The following SLC38A11 variants were observed in gnomAD, a reference collection of about 807,000 sequenced individuals.
The protein encoded by SLC38A11 is solute carrier family 38 member 11.
SLC38A11 carries 51 observed loss-of-function variants against 49.4 expected under a neutral mutation model. That is an observed-to-expected ratio of 1.03 (90% CI 0.83 to 1.30). The LOEUF is 1.30. Among genes scored for constraint, SLC38A11 ranks in the 50% most tolerant of loss-of-function variants. SLC38A11 has a pLI of 0.00. For synonymous variants in SLC38A11, 203 were observed against 192.9 expected (o/e 1.05, Z -0.43); for missense variants, 574 against 556.2 (o/e 1.03, Z -0.32).
intron 7 of SLC38A11, among the ~76,000 whole-genome samples, chr2:164,922,529 G>T (rs1686280265): frequency 6.6e-6 from 1 of 152,086 alleles, no homozygotes; most frequent in African/African-American, 2.4e-5. Flanking sequence ...AGCTGCTCAG[G>T]AGAATCCTTC....
At position 164,898,299 on chromosome 2, in the gene SLC38A11, AT is replaced by A; in HGVS notation, c.*137del. 1 of 633,202 alleles carries A rather than the reference AT, an allele frequency of 1.6e-6. No individual in the cohort carries two copies. Among genetic ancestry groups the A allele is most frequent in the East Asian group, 2.8e-5 (1 of 35,666 alleles). 39.2% of individuals were successfully genotyped at this position (633,202 alleles called of 1,614,324 possible). On this transcript the variant is annotated 3_prime_UTR_variant, in exon 12 of 12. Transcript: ENST00000685975. ...AATTTTTCTTTTCTTTATCTTTTAT[AT>A]TGCACTACTCATAAAAGCCAAGTCT...
rs1264057830 is a variant in SLC38A11, at chr2:164,939,562, A to G, written c.431-6T>C. 6.3e-7 allele frequency: 1 copy of G among 1,578,318 alleles called. No individual in the cohort carries two copies. Among genetic ancestry groups the G allele is most frequent in the Non-Finnish European group, 8.7e-7 (1 of 1,150,098 alleles). ...AAACACGTTTTCAGGATCAACTAAA[A>G]CACAATAAATATTATTAAATGTTAC... is the stretch of plus-strand genomic sequence containing the variant. On this transcript the variant is annotated splice_region_variant and splice_polypyrimidine_tract_variant and intron_variant, in intron 5 of 11. Transcript: ENST00000685975.
At chr2:164,947,117 CTTTTTTTTTTT>C (rs200284770) in intron 3 of SLC38A11, among the ~76,000 whole-genome samples, 16 of 72,910 alleles carry the variant, frequency 2.2e-4, no homozygotes, top group African/African-American at 7.7e-4. Flanking sequence ...TTTTTTATCT[CTTTTTTTTTTT>C]TTTTTTTTTT....
Position 164,955,321 on chromosome 2 carries a change from G to T in SLC38A11, c.-74C>A. On this transcript the variant is annotated 5_prime_UTR_variant, in exon 1 of 12. Transcript: ENST00000685975. ...GATTCGCACCCGGCCAGCCTCCTCC[G>T]CCACCTCGCACACAGCCGAGGTCCG... is the stretch of plus-strand genomic sequence containing the variant. The T allele has an allele frequency of 1.4e-6, 2 of 1,396,910 alleles. No homozygotes were observed. Among genetic ancestry groups the T allele is most frequent in the East Asian group, 2.5e-5 (1 of 40,132 alleles). 86.5% of individuals were successfully genotyped at this position (1,396,910 alleles called of 1,614,324 possible). A position where few individuals can be genotyped will look rare whatever the true frequency, so the allele number is the denominator to read the frequency against.
At position 164,915,940 on chromosome 2, in the gene SLC38A11, C is replaced by T. The variant is rs1685752577; in HGVS notation, c.651G>A (p.Lys217=). 6.2e-7 allele frequency: 1 copy of T among 1,601,936 alleles called. No homozygotes were observed. The highest frequency in any genetic ancestry group is 2.2e-5 in the East Asian group (1 of 44,678). ...CCCCGACCGCTTGAATGGCATTGGG[C>T]TTTGCAAATACCCAAGCGTCTTCTG... is the stretch of plus-strand genomic sequence containing the variant. The part of the protein sequence containing the change: ...PKTEDAWVFA[K]PNAIQAVGVM... The change falls in exon 8 of 12, where the codon AAG becomes AAA. Residue 217 remains lysine, a synonymous_variant. Coordinates refer to ENST00000685975, the MANE Select transcript of SLC38A11 (RefSeq NM_001351537.2).
intron 7 of SLC38A11, among the ~76,000 whole-genome samples, chr2:164,930,425 A>AGAG (rs1184934099): frequency 6.6e-6 from 1 of 152,104 alleles, no homozygotes; most frequent in Admixed American, 6.6e-5. Context: ...TCCTGATACC[A>AGAG]AAATCTGGCA....
intron 7 of SLC38A11, among the ~76,000 whole-genome samples, chr2:164,920,017 C>T (rs988773932): frequency 3.3e-5 from 5 of 152,032 alleles, no homozygotes; most frequent in African/African-American, 4.8e-5. Flanking sequence ...TGCTCACGTC[C>T]GTAATCCCAG....
intron 9 of SLC38A11, among the ~76,000 whole-genome samples, chr2:164,913,436 G>C (rs2105459828): frequency 6.6e-6 from 1 of 152,124 alleles, no homozygotes; most frequent in African/African-American, 2.4e-5. Flanking sequence ...TACTGAAAGA[G>C]GTTAGAAAAG....
At chr2:164,919,075 G>A (rs748241376) in intron 7 of SLC38A11, among the ~76,000 whole-genome samples, 7 of 152,078 alleles carry the variant, frequency 4.6e-5, no homozygotes, top group African/African-American at 7.2e-5. Context: ...GATGGTTCAC[G>A]CCTGAAATCC....
At chr2:164,943,646 A>G (rs186517732) in intron 5 of SLC38A11, among the ~76,000 whole-genome samples, 164 of 152,080 alleles carry the variant, frequency 1.1e-3, no homozygotes, top group Non-Finnish European at 5.3e-4. Context: ...GGAGTGATGG[A>G]ATTGTTTTGC....
intron 11 of SLC38A11, among the ~76,000 whole-genome samples, chr2:164,901,931 T>G (rs1684677665): frequency 6.6e-6 from 1 of 152,128 alleles, no homozygotes; most frequent in South Asian, 2.1e-4. Context: ...CTTTTCTCTC[T>G]CTAAACTGTT....
intron 5 of SLC38A11, 115 bp from the exon 6 acceptor site, chr2:164,939,671 G>A: frequency 1.8e-6 from 1 of 541,614 alleles, no homozygotes. Flanking sequence ...CTACCTCAAT[G>A]ACAATAATTT....
chr2:164,954,659 G>C lies in SLC38A11; in HGVS notation c.126C>G (p.Val42=). The C allele has an allele frequency of 3.9e-6, 6 of 1,534,364 alleles. No individual in the cohort carries two copies. The highest frequency in any genetic ancestry group is 5.3e-6 in the Non-Finnish European group (6 of 1,137,338). The change falls in exon 2 of 12, where the codon GTC becomes GTG. Residue 42 remains valine (V), a synonymous_variant. Coordinates refer to ENST00000685975, the MANE Select transcript of SLC38A11 (RefSeq NM_001351537.2). ...TTATACCAGATCCTATAATCGAGTT[G>C]ACAACATTAAAAAGAGCAGCAGACT... ...TCQSAALFNV[V]NSIIGSGIIG...
rs189566061 is a variant in SLC38A11, at chr2:164,911,071, G to A, written c.963+565C>T. Among the ~76,000 whole-genome samples, 482 of 151,432 alleles carry A rather than the reference G, an allele frequency of 3.2e-3. 1 individual carries two copies. The highest frequency in any genetic ancestry group is 0.011 in the African/African-American group (438 of 41,294). ...GTTATGTATAGTTGTAAATATACACGTCTACATGTATAAATACATAAATAA... is the reference window on the plus strand; with the variant it reads ...GTTATGTATAGTTGTAAATATACACATCTACATGTATAAATACATAAATAA... On this transcript the variant is annotated intron_variant, in intron 10 of 11. Coordinates refer to ENST00000685975, the MANE Select transcript of SLC38A11 (RefSeq NM_001351537.2).
intron 2 of SLC38A11, 47 bp from the exon 3 acceptor site, chr2:164,952,828 AG>A: frequency 7.2e-7 from 1 of 1,379,474 alleles, no homozygotes; most frequent in South Asian, 1.2e-5. Context: ...CAAGAAAGCT[AG>A]AAACACAGAA....
intron 6 of SLC38A11, among the ~76,000 whole-genome samples, chr2:164,939,154 T>A (rs1687572566): frequency 6.6e-6 from 1 of 152,138 alleles, no homozygotes; most frequent in Admixed American, 6.5e-5. Flanking sequence ...TCCAATAAAT[T>A]AGATTTGCTT....
chr2:164,946,369 C>A (rs1486744535), intron 3 of SLC38A11, among the ~76,000 whole-genome samples: 1 of 151,726 alleles, frequency 6.6e-6, no homozygotes, highest in Non-Finnish European at 1.5e-5. Flanking sequence ...AGATCAAGGC[C>A]ATCCCGGCCA....
Position 164,945,597 on chromosome 2 carries a change from A to G in SLC38A11, c.360T>C (p.Phe120=). ...TTATCTTCACAGTCAACTTACCTAT[A>G]AAAGGATACAAAAACTGAAGAACAG... ...LLSVLQFLYP[F]IAMISYNIIA... is the part of the protein sequence containing the mutation. The change falls in exon 4 of 12, where the codon TTT becomes TTC. Residue 120 remains phenylalanine, a synonymous_variant. Transcript: ENST00000685975. 6.3e-7 allele frequency: 1 copy of G among 1,592,812 alleles called. No individual in the cohort carries two copies. Among genetic ancestry groups the G allele is most frequent in the South Asian group, 1.2e-5 (1 of 86,016 alleles).
At chr2:164,913,518 A>G (rs1256959711) in intron 9 of SLC38A11, among the ~76,000 whole-genome samples, 1 of 152,070 alleles carries the variant, frequency 6.6e-6, no homozygotes, top group Admixed American at 6.6e-5. Context: ...ATGTCAGCTT[A>G]TTGCAGCCTG....
Sources: allele counts gnomAD v4.1 joint callset (sites outside exome capture counted in the v4.1 genomes callset), GRCh38; gene constraint gnomAD v4.1.1; transcripts MANE v1.5; gene names NCBI Gene and HGNC (gene_info 2026-07-23, HGNC 2026-07-21).